The following CSMD3 variants were observed in gnomAD, a reference collection of about 807,000 sequenced individuals.
The protein encoded by CSMD3 is CUB and Sushi multiple domains 3.
CSMD3 carries 177 observed loss-of-function variants against 435.2 expected under a neutral mutation model. The observed-to-expected ratio is 0.41, with a 90% CI of 0.36 to 0.46. CSMD3 has a LOEUF of 0.46. Among genes scored for constraint, CSMD3 ranks in the 20% least tolerant of loss-of-function variants. The pLI, the probability that CSMD3 is intolerant of heterozygous loss-of-function variation, is 0.34. For synonymous variants in CSMD3, 1,656 were observed against 1,520.5 expected, an observed-to-expected ratio of 1.09 and a Z score of -2.07; for missense variants, 4,265 against 4,504.6, an observed-to-expected ratio of 0.95 and a Z score of 1.52.
At chr8:112,270,657 G>A (rs1447441921) in intron 59 of CSMD3, among the ~76,000 whole-genome samples, 1 of 151,976 alleles carries the variant, frequency 6.6e-6, no homozygotes, top group Non-Finnish European at 1.5e-5. Flanking sequence ...AAAAAATCCA[G>A]TTCCATTGTA....
At chr8:113,145,502 A>G (rs2091651729) in intron 4 of CSMD3, among the ~76,000 whole-genome samples, 1 of 151,450 alleles carries the variant, frequency 6.6e-6, no homozygotes, top group African/African-American at 2.4e-5. Flanking sequence ...TGCCATGGAA[A>G]TTTTTACTAT....
At chr8:113,244,974 C>T (rs1419516727) in intron 3 of CSMD3, among the ~76,000 whole-genome samples, 1 of 151,938 alleles carries the variant, frequency 6.6e-6, no homozygotes, top group African/African-American at 2.4e-5. Flanking sequence ...TAGTTTTAGT[C>T]TCTGTTGTTA....
intron 4 of CSMD3, among the ~76,000 whole-genome samples, chr8:113,148,486 T>C (rs575152139): frequency 1.4e-4 from 21 of 151,958 alleles, no homozygotes; most frequent in African/African-American, 4.8e-4. Flanking sequence ...TACTTTTATC[T>C]GCTTATTCTA....
intron 61 of CSMD3, among the ~76,000 whole-genome samples, chr8:112,263,143 A>G (rs1305591433): frequency 1.3e-5 from 2 of 151,122 alleles, no homozygotes; most frequent in Non-Finnish European, 3.0e-5. Flanking sequence ...TCTGTAAAAA[A>G]AAAAAAAAAA....
At chr8:112,394,340 T>C (rs928107743) in intron 35 of CSMD3, among the ~76,000 whole-genome samples, 1 of 152,026 alleles carries the variant, frequency 6.6e-6, no homozygotes, top group Non-Finnish European at 1.5e-5. Flanking sequence ...GATAGGCTTC[T>C]AATCAGTCAT....
At chr8:112,778,778 T>C (rs958615319) in intron 13 of CSMD3, among the ~76,000 whole-genome samples, 13 of 152,002 alleles carry the variant, frequency 8.6e-5, no homozygotes, top group Non-Finnish European at 1.6e-4. Flanking sequence ...AAAATGGCTA[T>C]ACCATTTTGC....
At chr8:113,299,098 G>A (rs2093743966) in intron 2 of CSMD3, among the ~76,000 whole-genome samples, 1 of 152,062 alleles carries the variant, frequency 6.6e-6, no homozygotes, top group South Asian at 2.1e-4. Flanking sequence ...ATAAATATTA[G>A]CCAAAAGCGT....
intron 32 of CSMD3, among the ~76,000 whole-genome samples, chr8:112,448,775 A>C (rs1366263221): frequency 2.6e-5 from 4 of 151,614 alleles, no homozygotes; most frequent in African/African-American, 7.3e-5. Flanking sequence ...AAAAAAAAAA[A>C]AAACCAAAAA....
At chr8:113,117,627 G>A (rs565133787) in intron 4 of CSMD3, among the ~76,000 whole-genome samples, 1 of 152,184 alleles carries the variant, frequency 6.6e-6, no homozygotes, top group Non-Finnish European at 1.5e-5. Flanking sequence ...AGCTTGCACT[G>A]TTCACCTGGA....
chr8:113,040,588 T>A (rs1374478469), intron 5 of CSMD3, among the ~76,000 whole-genome samples: 2 of 151,940 alleles, frequency 1.3e-5, no homozygotes, highest in African/African-American at 2.4e-5. Flanking sequence ...AAGGAAAGAG[T>A]CAAAAATGAC....
chr8:113,018,615 G>A (rs777954224), intron 6 of CSMD3, among the ~76,000 whole-genome samples: 1 of 151,990 alleles, frequency 6.6e-6, no homozygotes, highest in Non-Finnish European at 1.5e-5. Context: ...CCTATGTATT[G>A]AAAATTATTT....
At chr8:112,800,094 A>G (rs1030496955) in intron 13 of CSMD3, 68 bp downstream of exon 13, 3 of 1,066,092 alleles carry the variant, frequency 2.8e-6, no homozygotes, top group Non-Finnish European at 2.9e-6. Context: ...GATGCAATTA[A>G]ACGTGAATTT....
chr8:112,957,762 T>C (rs2084080959), intron 7 of CSMD3, among the ~76,000 whole-genome samples: 1 of 151,368 alleles, frequency 6.6e-6, no homozygotes, highest in African/African-American at 2.4e-5. Context: ...TGTGTGTTTT[T>C]TGAGACGGAG....
At chr8:112,582,308 T>A (rs777837712) in intron 23 of CSMD3, among the ~76,000 whole-genome samples, 3 of 152,002 alleles carry the variant, frequency 2.0e-5, no homozygotes, top group Non-Finnish European at 4.4e-5. Flanking sequence ...GAAGTCCAGC[T>A]GATGTTGGTG....
intron 18 of CSMD3, among the ~76,000 whole-genome samples, chr8:112,654,003 G>A (rs1005575232): frequency 1.3e-5 from 2 of 150,612 alleles, no homozygotes; most frequent in African/African-American, 4.9e-5. Context: ...GTTTTGGGGG[G>A]CAGATAGAAT....
At chr8:112,871,918 G>A (rs1290822414) in intron 10 of CSMD3, among the ~76,000 whole-genome samples, 2 of 151,968 alleles carry the variant, frequency 1.3e-5, no homozygotes, top group South Asian at 2.1e-4. Flanking sequence ...GTATATAAAT[G>A]TGCAACATTT....
rs1049278339 is a variant in CSMD3, at chr8:113,239,501, T to TCTAA, written c.514+39090_514+39091insTTAG. On this transcript the variant is annotated intron_variant, in intron 3 of 70. Coordinates refer to ENST00000297405, the MANE Select transcript of CSMD3 (RefSeq NM_198123.2). ...ATTATATATGCAGTATGTAGTTTTA[T>TCTAA]CTATCTATCTATCTATCTATCTATC... is the stretch of plus-strand genomic sequence containing the variant. Among the ~76,000 whole-genome samples the TCTAA allele has an allele frequency of 1.8e-4, 25 of 139,320 alleles. No individual in the cohort carries two copies. The South Asian group carries it at 5.6e-3, about 31-fold the overall frequency. 91.4% of individuals were successfully genotyped at this position (139,320 alleles called of 152,430 possible).
chr8:113,112,861 G>A (rs1287803392), intron 4 of CSMD3, among the ~76,000 whole-genome samples: 2 of 152,038 alleles, frequency 1.3e-5, no homozygotes, highest in Non-Finnish European at 2.9e-5. Flanking sequence ...TCAATAAATG[G>A]CTTAGTTTTA....
At chr8:113,285,231 G>A (rs1186485669) in intron 2 of CSMD3, among the ~76,000 whole-genome samples, 2 of 151,776 alleles carry the variant, frequency 1.3e-5, no homozygotes, top group Admixed American at 6.6e-5. Flanking sequence ...TAAGGCAATG[G>A]GGAGCCATTG....
Sources: allele counts gnomAD v4.1 joint callset (sites outside exome capture counted in the v4.1 genomes callset), GRCh38; gene constraint gnomAD v4.1.1; transcripts MANE v1.5; gene names NCBI Gene and HGNC (gene_info 2026-07-23, HGNC 2026-07-21).